The following RNF130 variants were observed in gnomAD, a reference collection of about 807,000 sequenced individuals.
RNF130 encodes the protein ring finger protein 130, also known as E3 ubiquitin-protein ligase RNF130.
RNF130 carries 21 observed loss-of-function variants against 44.6 expected under a neutral mutation model. The ratio of observed to expected loss-of-function variants is 0.47; its 90% CI spans 0.33 to 0.68. The LOEUF (loss-of-function observed/expected upper bound fraction) is 0.68, where lower values mean the gene tolerates loss of function less well. RNF130 is among the 30% of genes least tolerant of loss of function. The pLI, the probability that RNF130 is intolerant of heterozygous loss-of-function variation, is 0.02. For synonymous variants in RNF130, 214 were observed against 210.4 expected, an observed-to-expected ratio of 1.02 and a Z score of -0.15; for missense variants, 479 against 560.6, an observed-to-expected ratio of 0.85 and a Z score of 1.47.
At chr5:180,049,005 A>C (rs1764630716) in intron 1 of RNF130, among the ~76,000 whole-genome samples, 1 of 152,248 alleles carries the variant, frequency 6.6e-6, no homozygotes, top group Non-Finnish European at 1.5e-5. Context: ...AAGTGATCAC[A>C]GATGCCTGAA....
At chr5:180,011,750 G>A (rs1266632327) in intron 3 of RNF130, among the ~76,000 whole-genome samples, 4 of 151,392 alleles carry the variant, frequency 2.6e-5, no homozygotes, top group Non-Finnish European at 5.9e-5. Context: ...GGGTGACAGG[G>A]CAAGACCCTG....
chr5:179,980,321 T>C, intron 3 of RNF130, 121 bp from the exon 4 acceptor site: 1 of 790,762 alleles, frequency 1.3e-6, no homozygotes, highest in African/African-American at 1.7e-5. Context: ...ATGTCCTACA[T>C]ATAAGAGAAT....
chr5:179,988,884 T>C (rs1443036012), intron 3 of RNF130, among the ~76,000 whole-genome samples: 2 of 152,264 alleles, frequency 1.3e-5, no homozygotes, highest in African/African-American at 4.8e-5. Context: ...TCTGTAAATG[T>C]CTGTTACGTC....
chr5:179,996,078 A>G (rs555278021), intron 3 of RNF130, among the ~76,000 whole-genome samples: 114 of 152,338 alleles, frequency 7.5e-4, no homozygotes, highest in African/African-American at 2.7e-3. Flanking sequence ...CACAATATTA[A>G]TTATTCCTAT....
chr5:180,037,834 T>G (rs913344857), intron 2 of RNF130, among the ~76,000 whole-genome samples: 31 of 152,222 alleles, frequency 2.0e-4, no homozygotes. Context: ...GTTTTCTAAC[T>G]GTCTATGAAT....
At chr5:180,026,873 GA>G (rs1159604136) in intron 2 of RNF130, among the ~76,000 whole-genome samples, 2 of 152,152 alleles carry the variant, frequency 1.3e-5, no homozygotes, top group Non-Finnish European at 2.9e-5. Context: ...TTAACTGCAT[GA>G]AACCCTGGGC....
chr5:179,926,275 GC>G (rs1055325513), intron 7 of RNF130, among the ~76,000 whole-genome samples: 89 of 152,310 alleles, frequency 5.8e-4, no homozygotes, highest in African/African-American at 2.0e-3. Flanking sequence ...GCCATCATGG[GC>G]CACTGTTAAA....
intron 3 of RNF130, among the ~76,000 whole-genome samples, chr5:180,010,823 T>C (rs1253410194): frequency 1.3e-5 from 2 of 151,888 alleles, no homozygotes. Context: ...GACCGTGTTG[T>C]TGGTCATGTG....
At chr5:180,033,707 AAG>A (rs1251921538) in intron 2 of RNF130, among the ~76,000 whole-genome samples, 2 of 151,460 alleles carry the variant, frequency 1.3e-5, no homozygotes, top group Non-Finnish European at 3.0e-5. Flanking sequence ...AAAAAAAAAA[AAG>A]AGAGAGAGAG....
chr5:179,964,499 C>T (rs150731434), intron 7 of RNF130: 2 of 152,258 alleles, frequency 1.3e-5, no homozygotes, highest in South Asian at 2.1e-4. Context: ...AAATGTTATA[C>T]AATAAAATTA....
chr5:179,920,139 T>C, exon 8 of RNF130: 2 of 546,098 alleles, frequency 3.7e-6, no homozygotes, highest in Non-Finnish European at 3.3e-6. Flanking sequence ...GCAATGCTAC[T>C]GTCCTCAAAG....
chr5:179,942,869 A>C (rs1387660269), intron 7 of RNF130, among the ~76,000 whole-genome samples: 2 of 152,196 alleles, frequency 1.3e-5, no homozygotes, highest in African/African-American at 4.8e-5. Context: ...GATATAAGAT[A>C]GGGCTTTTTG....
intron 3 of RNF130, among the ~76,000 whole-genome samples, chr5:180,002,882 T>C (rs1404701125): frequency 6.6e-6 from 1 of 152,158 alleles, no homozygotes; most frequent in East Asian, 1.9e-4. Context: ...TCTAAGGATT[T>C]CTAATGGGTC....
intron 7 of RNF130, among the ~76,000 whole-genome samples, chr5:179,926,770 G>A (rs924175761): frequency 6.6e-6 from 1 of 152,262 alleles, no homozygotes; most frequent in African/African-American, 2.4e-5. Flanking sequence ...TCAGAAGCAT[G>A]GGTTGAACAC....
intron 1 of RNF130, among the ~76,000 whole-genome samples, chr5:180,070,987 C>T (rs1048368749): frequency 7.9e-5 from 12 of 151,696 alleles, no homozygotes; most frequent in African/African-American, 2.2e-4. Flanking sequence ...TTACACCCCC[C>T]CCCCAATTTA....
At chr5:180,028,681 C>T (rs564649743) in intron 2 of RNF130, among the ~76,000 whole-genome samples, 13 of 152,260 alleles carry the variant, frequency 8.5e-5, no homozygotes, top group African/African-American at 2.9e-4. Context: ...GAAGTGTTCC[C>T]GGCAAACACT....
chr5:179,986,240 T>C (rs1216319266), intron 3 of RNF130, among the ~76,000 whole-genome samples: 1 of 152,238 alleles, frequency 6.6e-6, no homozygotes, highest in Non-Finnish European at 1.5e-5. Flanking sequence ...AATAGATTTT[T>C]CTGTCCTTTT....
intron 1 of RNF130, among the ~76,000 whole-genome samples, chr5:180,060,865 C>G (rs879856019): frequency 1.3e-5 from 2 of 151,948 alleles, no homozygotes; most frequent in South Asian, 4.2e-4. Context: ...GTCGGGCGAT[C>G]GAGACCATCC....
chr5:180,023,013 T>C (rs1236870250), intron 2 of RNF130, among the ~76,000 whole-genome samples: 3 of 152,206 alleles, frequency 2.0e-5, no homozygotes, highest in Admixed American at 6.5e-5. Context: ...GTTATTTACA[T>C]TAAAGAATTT....
Sources: gnomAD v4.1 joint callset for allele counts (sites outside exome capture counted in the v4.1 genomes callset) on GRCh38, gnomAD v4.1.1 for gene constraint, MANE v1.5 for transcripts, NCBI Gene and HGNC (gene_info 2026-07-23, HGNC 2026-07-21) for gene names.